The following ITGB1 variants were observed in gnomAD, a reference collection of about 807,000 sequenced individuals.
The protein encoded by ITGB1 is integrin beta-1.
A neutral mutation model predicts 86.5 loss-of-function variants in ITGB1; 24 were observed. The ratio of observed to expected loss-of-function variants is 0.28; its 90% CI spans 0.20 to 0.39. The LOEUF (loss-of-function observed/expected upper bound fraction) is 0.39. Ranked by LOEUF, ITGB1 falls within the 10% of genes least tolerant of loss-of-function variation. The probability of loss-of-function intolerance (pLI) is 1.00; values close to 1 mark genes in which losing one functional copy is unlikely to be tolerated. For missense variants in ITGB1, 556 were observed against 946.9 expected (o/e 0.59, Z 5.42); for synonymous variants, 323 against 316.8 (o/e 1.02, Z -0.21).
At chr10:32,953,804 AG>A (rs1319096377) in intron 1 of ITGB1, 2 of 152,210 alleles carry the variant, frequency 1.3e-5, no homozygotes, top group Non-Finnish European at 2.9e-5. Flanking sequence ...TTCTCTGATC[AG>A]GTATCTGAAA....
At chr10:32,939,963 T>C (rs995834106) in intron 1 of ITGB1, among the ~76,000 whole-genome samples, 5 of 152,204 alleles carry the variant, frequency 3.3e-5, no homozygotes, top group African/African-American at 1.2e-4. Context: ...TGTCATCTCC[T>C]AAAAGATCTC....
chr10:32,928,900 T>C (rs997452584), intron 4 of ITGB1, among the ~76,000 whole-genome samples: 10 of 151,892 alleles, frequency 6.6e-5, no homozygotes, highest in African/African-American at 2.2e-4. Context: ...GGAGAGAGGT[T>C]TGGATGAAAA....
chr10:32,903,819 C>T (rs2094889034), intron 15 of ITGB1, among the ~76,000 whole-genome samples: 1 of 152,156 alleles, frequency 6.6e-6, no homozygotes, highest in Non-Finnish European at 1.5e-5. Flanking sequence ...TTGGCAACTA[C>T]TATCTTAAAA....
At chr10:32,926,220 G>T in intron 5 of ITGB1, 111 bp from the exon 6 acceptor site, 1 of 802,590 alleles carries the variant, frequency 1.2e-6, no homozygotes, top group Non-Finnish European at 2.0e-6. Context: ...GGTTACTATG[G>T]ACTGAATGTC....
At chr10:32,914,405 G>C (rs2094924922) in intron 11 of ITGB1, among the ~76,000 whole-genome samples, 1 of 152,154 alleles carries the variant, frequency 6.6e-6, no homozygotes, top group African/African-American at 2.4e-5. Flanking sequence ...TCAGTGTGCT[G>C]TATTCAGGAG....
intron 6 of ITGB1, 102 bp from the exon 7 acceptor site, chr10:32,923,842 C>T: frequency 1.1e-6 from 1 of 919,022 alleles, no homozygotes; most frequent in Non-Finnish European, 1.6e-6. Context: ...TAACCTAATT[C>T]TGTATTTTCT....
intron 1 of ITGB1, among the ~76,000 whole-genome samples, chr10:32,936,877 T>C (rs1319923067): frequency 1.3e-5 from 2 of 152,204 alleles, no homozygotes; most frequent in East Asian, 3.8e-4. Context: ...GGTTTAATCG[T>C]TATTGGAAAA....
chr10:32,941,970 C>A (rs578227256), intron 1 of ITGB1, among the ~76,000 whole-genome samples: 1 of 152,170 alleles, frequency 6.6e-6, no homozygotes, highest in East Asian at 1.9e-4. Context: ...GTATGGATCT[C>A]AGGAGATAAG....
intron 9 of ITGB1, 36 bp downstream of exon 9, chr10:32,922,221 A>G (rs2094952319): frequency 2.4e-6 from 3 of 1,236,286 alleles, no homozygotes; most frequent in African/African-American, 3.1e-5. Context: ...TCAACAGGGT[A>G]TTGTCCAAAA....
chr10:32,932,475 C>A lies in ITGB1; in HGVS notation c.153+40G>T, dbSNP rs199736112. The A allele has an allele frequency of 2.1e-5, 23 of 1,111,350 alleles. 1 individual carries two copies. In the South Asian group the frequency reaches 2.6e-4, roughly 13 times the overall value. 68.8% of individuals were successfully genotyped at this position (1,111,350 alleles called of 1,614,324 possible). A position where few individuals can be genotyped will look rare whatever the true frequency, so the allele number is the denominator to read the frequency against. ...TACAGCACTGAGCCACACTAAATGA[C>A]CAGAGAACAAATGGAAAGGACTTGA... On this transcript the variant is annotated intron_variant, in intron 3 of 15. Transcript: ENST00000302278.
intron 11 of ITGB1, among the ~76,000 whole-genome samples, chr10:32,918,933 T>G (rs551607273): frequency 9.2e-5 from 14 of 152,358 alleles, no homozygotes; most frequent in Non-Finnish European, 5.9e-5. Context: ...CTGTGTATTT[T>G]TAGAACACAT....
intron 1 of ITGB1, among the ~76,000 whole-genome samples, chr10:32,954,218 A>C (rs1251772296): frequency 1.3e-5 from 2 of 152,130 alleles, no homozygotes; most frequent in African/African-American, 4.8e-5. Flanking sequence ...ACCTTAAAAA[A>C]AAAAACTTGG....
chr10:32,956,382 G>A (rs1193358789), intron 1 of ITGB1, among the ~76,000 whole-genome samples: 2 of 149,726 alleles, frequency 1.3e-5, no homozygotes, highest in Non-Finnish European at 3.0e-5. Flanking sequence ...TATTTTTGTA[G>A]CATTAAAACT....
At chr10:32,934,888 A>G (rs1312211376) in intron 2 of ITGB1, among the ~76,000 whole-genome samples, 1 of 152,132 alleles carries the variant, frequency 6.6e-6, no homozygotes, top group East Asian at 1.9e-4. Context: ...CTCCTGCTTC[A>G]TTTTTACTAC....
chr10:32,930,861 G>A (rs889776896), intron 3 of ITGB1, among the ~76,000 whole-genome samples: 9 of 152,022 alleles, frequency 5.9e-5, no homozygotes, highest in African/African-American at 2.2e-4. Flanking sequence ...TCATATAACT[G>A]AAAAGTGCCT....
intron 2 of ITGB1, among the ~76,000 whole-genome samples, chr10:32,934,255 T>C (rs904565911): frequency 7.2e-5 from 11 of 152,202 alleles, no homozygotes; most frequent in African/African-American, 2.7e-4. Flanking sequence ...AAAAAGTGTC[T>C]GTACTGAACA....
At chr10:32,914,145 A>G (rs1447182468) in intron 11 of ITGB1, among the ~76,000 whole-genome samples, 3 of 152,224 alleles carry the variant, frequency 2.0e-5, no homozygotes, top group Non-Finnish European at 4.4e-5. Context: ...GGCCTGCCTT[A>G]CAAGAGCTCC....
chr10:32,942,465 C>G (rs183006047), intron 1 of ITGB1, among the ~76,000 whole-genome samples: 1 of 152,318 alleles, frequency 6.6e-6, no homozygotes, highest in Admixed American at 6.5e-5. Flanking sequence ...TATTTGTTAA[C>G]ATGTCTTCCC....
intron 4 of ITGB1, 85 bp from the exon 5 acceptor site, chr10:32,928,349 C>A: frequency 3.1e-6 from 2 of 639,862 alleles, no homozygotes; most frequent in East Asian, 5.2e-5. Flanking sequence ...GTGGTTTACA[C>A]GGTAAACACA....
Sources: gnomAD v4.1 joint callset for allele counts (sites outside exome capture counted in the v4.1 genomes callset) on GRCh38, gnomAD v4.1.1 for gene constraint, MANE v1.5 for transcripts, NCBI Gene and HGNC (gene_info 2026-07-23, HGNC 2026-07-21) for gene names.